The following RXFP2 variants were observed in gnomAD, a reference collection of about 807,000 sequenced individuals.
RXFP2 encodes relaxin family peptide receptor 2.
RXFP2 carries 68 observed loss-of-function variants against 88.6 expected under a neutral mutation model. That is an observed-to-expected ratio of 0.77 (90% CI 0.63 to 0.94). The LOEUF (loss-of-function observed/expected upper bound fraction) is 0.94, where lower values mean the gene tolerates loss of function less well. Ranked by LOEUF, RXFP2 falls within the 40% of genes least tolerant of loss-of-function variation. RXFP2 has a pLI of 0.00. For synonymous variants in RXFP2, 329 were observed against 306.8 expected, an observed-to-expected ratio of 1.07 and a Z score of -0.76; for missense variants, 791 against 893.9, an observed-to-expected ratio of 0.88 and a Z score of 1.47.
chr13:31,742,741 G>A (rs1718739400), intron 1 of RXFP2, among the ~76,000 whole-genome samples: 1 of 152,036 alleles, frequency 6.6e-6, no homozygotes, highest in South Asian at 2.1e-4. Flanking sequence ...CTAATAGGTT[G>A]GTATCGAAAA....
intron 11 of RXFP2, 91 bp from the exon 12 acceptor site, chr13:31,786,292 A>T: frequency 1.0e-6 from 1 of 957,706 alleles, no homozygotes; most frequent in Non-Finnish European, 1.7e-6. Flanking sequence ...ATTTTCTGTT[A>T]CATCAAATGG....
intron 2 of RXFP2, 62 bp downstream of exon 2, chr13:31,758,466 T>G (rs1414140879): frequency 2.5e-6 from 4 of 1,582,058 alleles, no homozygotes; most frequent in East Asian, 4.5e-5. Context: ...AAACTGTGGG[T>G]CGGTTGGATA....
At chr13:31,779,126 CTTTT>C (rs1167145629) in intron 9 of RXFP2, among the ~76,000 whole-genome samples, 2 of 120,816 alleles carry the variant, frequency 1.7e-5, no homozygotes, top group Non-Finnish European at 3.5e-5. Flanking sequence ...TTGGGCTTGT[CTTTT>C]TTTTTTTTTT....
chr13:31,764,825 G>A (rs945722193), intron 3 of RXFP2, among the ~76,000 whole-genome samples: 1 of 152,166 alleles, frequency 6.6e-6, no homozygotes, highest in Non-Finnish European at 1.5e-5. Context: ...CCTCTGAAAT[G>A]ACTACTAGAA....
intron 8 of RXFP2, 42 bp from the exon 9 acceptor site, chr13:31,778,470 T>A: frequency 7.7e-7 from 1 of 1,304,326 alleles, no homozygotes; most frequent in Non-Finnish European, 1.1e-6. Context: ...CCTAAAAGTG[T>A]CATATCATTT....
intron 3 of RXFP2, among the ~76,000 whole-genome samples, chr13:31,763,394 C>T (rs146408090): frequency 5.3e-4 from 80 of 152,202 alleles, no homozygotes; most frequent in Admixed American, 1.5e-3. Flanking sequence ...CCTGGAGACA[C>T]TTTTGGTCAT....
intron 11 of RXFP2, among the ~76,000 whole-genome samples, chr13:31,784,332 G>A (rs1873425797): frequency 6.6e-6 from 1 of 152,138 alleles, no homozygotes. Flanking sequence ...AAATTCAGAA[G>A]CTGGTAGGCT....
chr13:31,777,235 C>T (rs1053609012), intron 7 of RXFP2, 141 bp from the exon 8 acceptor site: 35 of 651,250 alleles, frequency 5.4e-5, no homozygotes, highest in Middle Eastern at 2.8e-4. Flanking sequence ...CAACCACAGA[C>T]GGAAGGAAAA....
At chr13:31,749,784 T>C (rs1351833738) in intron 1 of RXFP2, among the ~76,000 whole-genome samples, 1 of 152,236 alleles carries the variant, frequency 6.6e-6, no homozygotes, top group Non-Finnish European at 1.5e-5. Flanking sequence ...ATTATTTTAA[T>C]ATTCACAGTC....
chr13:31,749,698 G>T (rs1871579891), intron 1 of RXFP2, among the ~76,000 whole-genome samples: 1 of 152,074 alleles, frequency 6.6e-6, no homozygotes, highest in Admixed American at 6.5e-5. Context: ...ATGTTTCATT[G>T]TCTAATTGTG....
intron 16 of RXFP2, among the ~76,000 whole-genome samples, chr13:31,793,326 A>G (rs1399775108): frequency 6.6e-6 from 1 of 152,102 alleles, no homozygotes; most frequent in Non-Finnish European, 1.5e-5. Flanking sequence ...TGATATTTTT[A>G]TTATCCATAA....
intron 7 of RXFP2, 143 bp from the exon 8 acceptor site, chr13:31,777,229 CACAG>C: frequency 1.6e-6 from 1 of 643,670 alleles, no homozygotes. Context: ...TTGCTCCAAC[CACAG>C]ACGGAAGGAA....
chr13:31,798,525 T>C (rs1874166201), intron 17 of RXFP2, among the ~76,000 whole-genome samples: 1 of 152,194 alleles, frequency 6.6e-6, no homozygotes, highest in African/African-American at 2.4e-5. Context: ...TAAATGTTAA[T>C]AGTCACAGTT....
At chr13:31,794,453 A>G (rs1449105443) in intron 16 of RXFP2, among the ~76,000 whole-genome samples, 1 of 151,268 alleles carries the variant, frequency 6.6e-6, no homozygotes, top group Non-Finnish European at 1.5e-5. Flanking sequence ...AGCACTCACT[A>G]TAGGCTGTGC....
At chr13:31,758,162 A>G in intron 1 of RXFP2, 96 bp from the exon 2 acceptor site, 9 of 1,125,274 alleles carry the variant, frequency 8.0e-6, no homozygotes, top group East Asian at 2.4e-5. Context: ...ATACCAGATG[A>G]ACTCAACTCA....
At chr13:31,768,507 T>G (rs887088164) in intron 5 of RXFP2, among the ~76,000 whole-genome samples, 1 of 152,128 alleles carries the variant, frequency 6.6e-6, no homozygotes, top group African/African-American at 2.4e-5. Context: ...GAAAGCTACT[T>G]GGGGAGAGAG....
At chr13:31,760,328 T>A (rs527365292) in intron 2 of RXFP2, among the ~76,000 whole-genome samples, 2 of 152,276 alleles carry the variant, frequency 1.3e-5, no homozygotes, top group East Asian at 3.9e-4. Context: ...TGACCTTAGG[T>A]GATCCGCCCG....
intron 11 of RXFP2, among the ~76,000 whole-genome samples, chr13:31,785,902 G>T (rs762584027): frequency 6.6e-6 from 1 of 152,276 alleles, no homozygotes; most frequent in Admixed American, 6.5e-5. Context: ...TATTAAAAGC[G>T]TGTGAACTTA....
At chr13:31,772,792 G>A (rs763777298) in intron 5 of RXFP2, among the ~76,000 whole-genome samples, 26 of 152,218 alleles carry the variant, frequency 1.7e-4, no homozygotes, top group Non-Finnish European at 3.1e-4. Flanking sequence ...CACATCAGAT[G>A]AGTTGTGTGG....
Sources: allele counts gnomAD v4.1 joint callset (sites outside exome capture counted in the v4.1 genomes callset), GRCh38; gene constraint gnomAD v4.1.1; transcripts MANE v1.5; gene names NCBI Gene and HGNC (gene_info 2026-07-23, HGNC 2026-07-21).